The following CNTN5 variants were observed in gnomAD, a reference collection of about 807,000 sequenced individuals.
CNTN5 encodes contactin 5, also known as contactin-5.
Under a neutral mutation model 129.1 loss-of-function variants are expected in CNTN5, and 77 were observed. The observed-to-expected ratio is 0.60, with a 90% CI of 0.50 to 0.72. CNTN5 has a LOEUF of 0.72. Among genes scored for constraint, CNTN5 ranks in the 30% least tolerant of loss-of-function variants. The pLI is 0.00. For missense variants in CNTN5, 1,478 were observed against 1,328.8 expected, an observed-to-expected ratio of 1.11 and a Z score of -1.75; for synonymous variants, 509 against 465.6, an observed-to-expected ratio of 1.09 and a Z score of -1.20.
chr11:100,035,023 A>C (rs113989537), intron 9 of CNTN5, among the ~76,000 whole-genome samples: 1 of 152,052 alleles, frequency 6.6e-6, no homozygotes, highest in Non-Finnish European at 1.5e-5. Flanking sequence ...CGCAACGTGC[A>C]GGTTTGTTAC....
At chr11:99,959,788 C>A (rs973630509) in intron 8 of CNTN5, among the ~76,000 whole-genome samples, 7 of 152,190 alleles carry the variant, frequency 4.6e-5, no homozygotes, top group Admixed American at 6.5e-5. Flanking sequence ...AACAAAAAAA[C>A]CAGGTAGGAA....
intron 23 of CNTN5, among the ~76,000 whole-genome samples, chr11:100,349,030 T>C (rs892971890): frequency 6.6e-6 from 1 of 151,958 alleles, no homozygotes; most frequent in Admixed American, 6.6e-5. Flanking sequence ...GCATTTACAC[T>C]GAGGCTATAG....
chr11:100,295,245 C>T (rs1225654998), intron 18 of CNTN5, among the ~76,000 whole-genome samples: 2 of 151,596 alleles, frequency 1.3e-5, no homozygotes, highest in East Asian at 3.9e-4. Context: ...AATAAATTAG[C>T]AGCAGTAAGA....
chr11:99,417,487 G>T (rs1378060538), intron 2 of CNTN5, among the ~76,000 whole-genome samples: 1 of 152,094 alleles, frequency 6.6e-6, no homozygotes, highest in Non-Finnish European at 1.5e-5. Flanking sequence ...TGCTAGAAAT[G>T]CACAAAAGAT....
At chr11:99,280,565 TA>T (rs949347638) in intron 1 of CNTN5, among the ~76,000 whole-genome samples, 93 of 146,398 alleles carry the variant, frequency 6.4e-4, no homozygotes, top group Admixed American at 8.9e-4. Context: ...GGTTCTAGGT[TA>T]AAAAAAAAAA....
intron 1 of CNTN5, among the ~76,000 whole-genome samples, chr11:99,181,084 G>A (rs1858034558): frequency 6.6e-6 from 1 of 152,130 alleles, no homozygotes; most frequent in Non-Finnish European, 1.5e-5. Flanking sequence ...TGGCAGGGGA[G>A]AATACTGTGA....
chr11:99,027,384 T>A (rs1036910884), intron 1 of CNTN5, among the ~76,000 whole-genome samples: 1 of 151,610 alleles, frequency 6.6e-6, no homozygotes, highest in Non-Finnish European at 1.5e-5. Context: ...ATTCATGGGC[T>A]TTTTAAAGGT....
At chr11:99,250,607 C>T (rs1047904482) in intron 1 of CNTN5, among the ~76,000 whole-genome samples, 1 of 151,658 alleles carries the variant, frequency 6.6e-6, no homozygotes, top group Non-Finnish European at 1.5e-5. Flanking sequence ...TTCTGATGTA[C>T]TTGTTTAAGA....
At chr11:99,924,044 C>A (rs769931951) in intron 7 of CNTN5, among the ~76,000 whole-genome samples, 1 of 152,130 alleles carries the variant, frequency 6.6e-6, no homozygotes, top group African/African-American at 2.4e-5. Flanking sequence ...CCGGCTTCTG[C>A]GTCCCAAAGT....
chr11:99,051,810 T>C (rs1488011546), intron 1 of CNTN5, among the ~76,000 whole-genome samples: 4 of 151,834 alleles, frequency 2.6e-5, no homozygotes, highest in Non-Finnish European at 5.9e-5. Context: ...GTAGTTTATA[T>C]AAAGACATAA....
intron 1 of CNTN5, among the ~76,000 whole-genome samples, chr11:99,214,381 T>C (rs1860006613): frequency 7.2e-6 from 1 of 139,594 alleles, no homozygotes. Context: ...AATATATATA[T>C]TATATATGTA....
chr11:99,138,529 C>T (rs1435322388), intron 1 of CNTN5, among the ~76,000 whole-genome samples: 3 of 152,016 alleles, frequency 2.0e-5, no homozygotes, highest in South Asian at 2.1e-4. Flanking sequence ...AACAATGTTG[C>T]GATGCATTAT....
chr11:99,385,830 T>A (rs1434162791), intron 2 of CNTN5, among the ~76,000 whole-genome samples: 1 of 152,158 alleles, frequency 6.6e-6, no homozygotes, highest in Admixed American at 6.5e-5. Context: ...ATTCCATATA[T>A]GGATTGTATA....
chr11:100,263,302 C>T (rs895008133), intron 17 of CNTN5, among the ~76,000 whole-genome samples: 1 of 152,044 alleles, frequency 6.6e-6, no homozygotes, highest in Non-Finnish European at 1.5e-5. Flanking sequence ...AATATTTGCA[C>T]GCAGTAACCT....
intron 1 of CNTN5, among the ~76,000 whole-genome samples, chr11:99,235,953 A>C (rs1035197909): frequency 6.6e-6 from 1 of 152,236 alleles, no homozygotes; most frequent in Non-Finnish European, 1.5e-5. Flanking sequence ...ACTTCACGTC[A>C]TGGACGTGGT....
chr11:99,593,334 G>T (rs550366898), intron 3 of CNTN5, among the ~76,000 whole-genome samples: 1 of 152,072 alleles, frequency 6.6e-6, no homozygotes, highest in Non-Finnish European at 1.5e-5. Context: ...GGCCAACAAG[G>T]CACATAAGAC....
rs115460134 is a variant in CNTN5 at position 99,500,917 on chromosome 11, A to G, written c.-70-55228A>G. 4.7e-3 allele frequency among the ~76,000 whole-genome samples: 714 copies of G among 152,288 alleles called. 8 individuals carry two copies. Among genetic ancestry groups the G allele is most frequent in the African/African-American group, 0.016 (677 of 41,566 alleles). The stretch of plus-strand genomic sequence containing the variant: ...TTTATACTCCTAGCAAAGCTATATG[A>G]AAGTTATTTTTTCTTACCTGTAATC... On this transcript the variant is annotated intron_variant, in intron 2 of 24. Transcript: ENST00000524871.
chr11:99,732,645 G>C (rs1943573651), intron 3 of CNTN5, among the ~76,000 whole-genome samples: 1 of 152,182 alleles, frequency 6.6e-6, no homozygotes, highest in African/African-American at 2.4e-5. Context: ...CATTTGCATA[G>C]AGTGCTTCAG....
chr11:99,521,997 T>C (rs1947292789), intron 2 of CNTN5, among the ~76,000 whole-genome samples: 1 of 152,064 alleles, frequency 6.6e-6, no homozygotes, highest in Non-Finnish European at 1.5e-5. Context: ...GATTTAAAGC[T>C]TGGGTAATAA....
Sources: allele counts gnomAD v4.1 joint callset (sites outside exome capture counted in the v4.1 genomes callset), GRCh38; gene constraint gnomAD v4.1.1; transcripts MANE v1.5; gene names NCBI Gene and HGNC (gene_info 2026-07-23, HGNC 2026-07-21).